The following AMOTL1 variants were observed in gnomAD, a reference collection of about 807,000 sequenced individuals.
The protein encoded by AMOTL1 is angiomotin like 1.
In AMOTL1, 45 loss-of-function variants were observed where a neutral mutation model predicts 102.9. The observed-to-expected ratio is 0.44, with a 90% CI of 0.34 to 0.56. AMOTL1 has a LOEUF of 0.56. Ranked by LOEUF, AMOTL1 falls within the 20% of genes least tolerant of loss-of-function variation. AMOTL1 has a pLI of 0.01. For synonymous variants in AMOTL1, 481 were observed against 484.7 expected (o/e 0.99, Z 0.10); for missense variants, 1,114 against 1,225.6 (o/e 0.91, Z 1.36).
intron 3 of AMOTL1, 22 bp from the exon 4 acceptor site, chr11:94,821,508 G>A: frequency 6.2e-7 from 1 of 1,606,046 alleles, no homozygotes; most frequent in South Asian, 1.1e-5. Flanking sequence ...GGCTCTAACT[G>A]CTGCCTTCCA....
chr11:94,773,365 G>A (rs1950980858), intron 1 of AMOTL1, among the ~76,000 whole-genome samples: 1 of 152,142 alleles, frequency 6.6e-6, no homozygotes, highest in African/African-American at 2.4e-5. Context: ...TTATTTTTAA[G>A]TTATAGTTCA....
In AMOTL1 at chr11:94,830,084, A is replaced by G. The variant is rs1364762324; in HGVS notation, c.1448A>G (p.Tyr483Cys). 2.5e-6 allele frequency: 4 copies of G among 1,607,436 alleles called. No homozygotes were observed. The highest frequency in any genetic ancestry group is 2.2e-5 in the East Asian group (1 of 44,800). Residue 483 changes from tyrosine to cysteine, a missense_variant, in exon 5 of 13, where the codon TAT (tyrosine) becomes TGT (cysteine). Tyr to Cys is a radical substitution (Grantham distance 194, BLOSUM62 -2). Transcript: ENST00000433060. ...EKELQRISEA[Y>C]ESLVKSTTKR... ...GAACTTCAGAGAATTTCGGAAGCCT[A>G]TGAAAGTCTGGTCAAGTCTACCACC...
chr11:94,720,671 C>T (rs1441844595), intron 1 of AMOTL1, among the ~76,000 whole-genome samples: 1 of 152,096 alleles, frequency 6.6e-6, no homozygotes, highest in Non-Finnish European at 1.5e-5. Flanking sequence ...TTCTCCCTAT[C>T]TGCTGATTCT....
At chr11:94,772,791 T>C (rs1456174801) in intron 1 of AMOTL1, among the ~76,000 whole-genome samples, 1 of 152,174 alleles carries the variant, frequency 6.6e-6, no homozygotes, top group Non-Finnish European at 1.5e-5. Flanking sequence ...TTGCCAAACT[T>C]TTCCAGAGTG....
rs540857559 is a variant in AMOTL1 at position 94,836,835 on chromosome 11, CAAGAA to C, written c.1648+5296_1648+5300del. ...CATTATTAAGAACAATAGTATTTCT[CAAGAA>C]AGGTGACATTAGTATAGTCCATTTT... On this transcript the variant is annotated intron_variant, in intron 6 of 12. Transcript: ENST00000433060. Among the ~76,000 whole-genome samples the C allele has an allele frequency of 8.0e-5, 12 of 150,098 alleles. No individual in the cohort carries two copies. The East Asian group carries it at 2.3e-3, about 29-fold the overall frequency.
intron 6 of AMOTL1, among the ~76,000 whole-genome samples, chr11:94,842,705 T>C (rs544177857): frequency 2.0e-5 from 3 of 152,184 alleles, no homozygotes; most frequent in African/African-American, 7.2e-5. Context: ...AACTCAGAAC[T>C]CTTGTTCAGA....
intron 3 of AMOTL1, among the ~76,000 whole-genome samples, chr11:94,743,391 C>A (rs1950551750): frequency 6.6e-6 from 1 of 152,202 alleles, no homozygotes; most frequent in African/African-American, 2.4e-5. Context: ...GACAGGGCAG[C>A]TCTCTGGATC....
At chr11:94,835,250 G>A (rs1431286976) in intron 6 of AMOTL1, among the ~76,000 whole-genome samples, 1 of 152,168 alleles carries the variant, frequency 6.6e-6, no homozygotes, top group Non-Finnish European at 1.5e-5. Flanking sequence ...AGGGCCTCTA[G>A]CCAACTCCTG....
At chr11:94,706,938 C>A (rs893279067) in intron 1 of AMOTL1, among the ~76,000 whole-genome samples, 2 of 152,054 alleles carry the variant, frequency 1.3e-5, no homozygotes, top group Non-Finnish European at 2.9e-5. Context: ...ACCTCCTTTG[C>A]CTTCCTACTG....
At chr11:94,798,787 G>A (rs1027443039) in intron 2 of AMOTL1, among the ~76,000 whole-genome samples, 5 of 152,172 alleles carry the variant, frequency 3.3e-5, no homozygotes, top group Non-Finnish European at 4.4e-5. Context: ...CGAATTAGGA[G>A]AGCATTGCAG....
intron 3 of AMOTL1, among the ~76,000 whole-genome samples, chr11:94,811,736 C>T (rs1332547377): frequency 2.0e-5 from 3 of 152,304 alleles, no homozygotes; most frequent in Non-Finnish European, 2.9e-5. Flanking sequence ...AACAAACAAT[C>T]TCACAATTTA....
intron 1 of AMOTL1, among the ~76,000 whole-genome samples, chr11:94,714,952 G>A (rs967682502): frequency 1.3e-5 from 2 of 151,848 alleles, no homozygotes; most frequent in Non-Finnish European, 2.9e-5. Context: ...TTGAGCTAGC[G>A]ACTTAAATTA....
At chr11:94,843,221 C>G (rs1952342663) in intron 6 of AMOTL1, among the ~76,000 whole-genome samples, 1 of 152,246 alleles carries the variant, frequency 6.6e-6, no homozygotes, top group Non-Finnish European at 1.5e-5. Flanking sequence ...TAATGTGTGG[C>G]TTTAAAAAGT....
At chr11:94,707,493 G>T (rs1243293607) in intron 1 of AMOTL1, among the ~76,000 whole-genome samples, 1 of 152,106 alleles carries the variant, frequency 6.6e-6, no homozygotes, top group Non-Finnish European at 1.5e-5. Context: ...AAAATGTTGA[G>T]AATTGCAGAG....
At chr11:94,791,041 T>C (rs1417238615) in intron 1 of AMOTL1, among the ~76,000 whole-genome samples, 1 of 152,160 alleles carries the variant, frequency 6.6e-6, no homozygotes, top group African/African-American at 2.4e-5. Context: ...TCACATTAGC[T>C]AAAGGCCTCT....
chr11:94,867,441 G>A (rs1952906504), intron 11 of AMOTL1, among the ~76,000 whole-genome samples: 1 of 152,210 alleles, frequency 6.6e-6, no homozygotes, highest in Non-Finnish European at 1.5e-5. Flanking sequence ...TTTGTGACGT[G>A]CAGCCAGGCA....
At position 94,822,942 on chromosome 11, in the gene AMOTL1, G is replaced by A. The variant is rs541214229; in HGVS notation, c.1413+1121G>A. Among the ~76,000 whole-genome samples, 8 of 152,278 alleles carry A rather than the reference G, an allele frequency of 5.3e-5. No homozygotes were observed. In the South Asian group the frequency reaches 1.0e-3, roughly 20 times the overall value. ...GTAGCGATCCTCTAAGAGTAAGTGC[G>A]GGCTCTTCCCTTGGCAATAAAGGGC... On this transcript the variant is annotated intron_variant, in intron 4 of 12. Coordinates refer to ENST00000433060, the MANE Select transcript of AMOTL1 (RefSeq NM_130847.3).
intron 1 of AMOTL1, among the ~76,000 whole-genome samples, chr11:94,728,135 A>G (rs1037343884): frequency 6.6e-6 from 1 of 152,178 alleles, no homozygotes; most frequent in African/African-American, 2.4e-5. Flanking sequence ...CAATTACTCA[A>G]TCACTTTCAT....
intron 1 of AMOTL1, among the ~76,000 whole-genome samples, chr11:94,775,914 C>T (rs1029344973): frequency 4.6e-5 from 7 of 152,192 alleles, no homozygotes; most frequent in Non-Finnish European, 8.8e-5. Context: ...GTCAGCATGG[C>T]AACTGGGTTA....
Sources: allele counts gnomAD v4.1 joint callset (sites outside exome capture counted in the v4.1 genomes callset), GRCh38; gene constraint gnomAD v4.1.1; transcripts MANE v1.5; gene names NCBI Gene and HGNC (gene_info 2026-07-23, HGNC 2026-07-21).